Variants in CDCA7L observed in about 807,000 individuals in gnomAD.
CDCA7L encodes cell division cycle-associated 7-like protein.
Under a neutral mutation model 57.4 loss-of-function variants are expected in CDCA7L, and 44 were observed. The observed-to-expected ratio is 0.77, with a 90% CI of 0.60 to 0.98. The LOEUF is 0.98. Among genes scored for constraint, CDCA7L ranks in the 50% least tolerant of loss-of-function variants. CDCA7L has a pLI of 0.00. For synonymous variants in CDCA7L, 236 were observed against 202.8 expected, an observed-to-expected ratio of 1.16 and a Z score of -1.39; for missense variants, 644 against 580.6, an observed-to-expected ratio of 1.11 and a Z score of -1.12.
rs1219653810 is a variant in CDCA7L, at chr7:21,900,943, T to TGATCATTATCATTAACA, written c.*1378_*1379insTGTTAATGATAATGATC. 1 of 19,126 alleles carries TGATCATTATCATTAACA rather than the reference T, an allele frequency of 5.2e-5. No individual in the cohort carries two copies. Among genetic ancestry groups the TGATCATTATCATTAACA allele is most frequent in the Admixed American group, 2.8e-4 (1 of 3,550 alleles). The allele number at this position is 19,126 out of a possible 1,614,324, so 1.2% of individuals were successfully genotyped here. A position where few individuals can be genotyped will look rare whatever the true frequency, so the allele number is the denominator to read the frequency against. ...TGAATGTTTATTGCATCAAACAACT[T>TGATCATTATCATTAACA]ACTTGATCATTATCATTAGTAGCAA... On this transcript the variant is annotated 3_prime_UTR_variant, in exon 10 of 10. Coordinates refer to ENST00000406877, the MANE Select transcript of CDCA7L (RefSeq NM_018719.5).
At chr7:21,911,852 G>C (rs1404805592) in intron 2 of CDCA7L, 98 bp from the exon 3 acceptor site, 2 of 1,153,358 alleles carry the variant, frequency 1.7e-6, no homozygotes, top group African/African-American at 1.6e-5. Context: ...CAGAGCTTCT[G>C]ATGGAGATGA....
intron 4 of CDCA7L, among the ~76,000 whole-genome samples, chr7:21,907,469 A>T (rs187053499): frequency 3.0e-4 from 46 of 151,758 alleles, no homozygotes; most frequent in Admixed American, 1.8e-3. Flanking sequence ...AGAACTATTT[A>T]AAAAAAAACT....
At position 21,911,482 on chromosome 7, in the gene CDCA7L, T is replaced by A. The variant is rs540145293; in HGVS notation, c.303+135A>T. ...GCCTTCCAGGAGCAATTTTTTTAGG[T>A]TATGTTAATTGCTTGTAAGATAAAT... is the stretch of plus-strand genomic sequence containing the variant. On this transcript the variant is annotated intron_variant, in intron 3 of 9. Transcript: ENST00000406877. The A allele has an allele frequency of 3.7e-6, 4 of 1,082,156 alleles. No individual in the cohort carries two copies. The South Asian group carries it at 5.3e-5, about 14-fold the overall frequency. 67.0% of individuals were successfully genotyped at this position (1,082,156 alleles called of 1,614,324 possible). A position where few individuals can be genotyped will look rare whatever the true frequency, so the allele number is the denominator to read the frequency against.
intron 1 of CDCA7L, chr7:21,940,301 T>A: frequency 8.1e-6 from 8 of 985,126 alleles, no homozygotes; most frequent in Non-Finnish European, 9.6e-6. Flanking sequence ...TTCCAAACTA[T>A]GCCTGCGAAG....
intron 1 of CDCA7L, among the ~76,000 whole-genome samples, chr7:21,929,549 T>G (rs1188177406): frequency 1.4e-5 from 2 of 145,244 alleles, no homozygotes; most frequent in African/African-American, 2.6e-5. Context: ...GTGTGCTGTA[T>G]TCAGGAGACC....
chr7:21,908,806 G>A lies in CDCA7L; in HGVS notation c.304-299C>T, dbSNP rs141702446. On this transcript the variant is annotated intron_variant, in intron 3 of 9. Coordinates refer to ENST00000406877, the MANE Select transcript of CDCA7L (RefSeq NM_018719.5). ...CACTGACAGGGTGGGTTCCTCCACC[G>A]TGGGACAACCAGGGAGCACCAGCAA... 3.1e-3 allele frequency among the ~76,000 whole-genome samples: 469 copies of A among 152,250 alleles called. 2 individuals carry two copies. Among genetic ancestry groups the A allele is most frequent in the African/African-American group, 0.01 (423 of 41,538 alleles).
chr7:21,903,512 AGTTT>A (rs1044411188), intron 8 of CDCA7L, among the ~76,000 whole-genome samples: 6 of 152,256 alleles, frequency 3.9e-5, no homozygotes, highest in Middle Eastern at 3.4e-3. Context: ...CCTGAGCAGC[AGTTT>A]GTTTGTCTGT....
rs72658844 is a variant in CDCA7L, at chr7:21,901,690, CTTTCAAAA to C, written c.*624_*631del. On this transcript the variant is annotated 3_prime_UTR_variant, in exon 10 of 10. Coordinates refer to ENST00000406877, the MANE Select transcript of CDCA7L (RefSeq NM_018719.5). ...AAATTAAATTATTAGCCCTTAAACT[CTTTCAAAA>C]TATAAAAGCAGCAGGCCCCAGGTGA... The C allele has an allele frequency of 0.017, 2,614 of 156,458 alleles. 65 individuals are homozygous for C. The highest frequency in any genetic ancestry group is 0.059 in the African/African-American group (2,440 of 41,540). The allele number at this position is 156,458 out of a possible 1,614,324, so 9.7% of individuals were successfully genotyped here.
intron 1 of CDCA7L, among the ~76,000 whole-genome samples, chr7:21,937,227 CA>C (rs564140707): frequency 1.2e-4 from 18 of 152,302 alleles, no homozygotes; most frequent in African/African-American, 4.1e-4. Flanking sequence ...AAGCTATGTA[CA>C]GACTCAATGT....
intron 1 of CDCA7L, among the ~76,000 whole-genome samples, chr7:21,927,951 C>G (rs1466963725): frequency 6.6e-6 from 1 of 152,322 alleles, no homozygotes; most frequent in East Asian, 1.9e-4. Context: ...CCCAGCACAG[C>G]GTTCAAGCTC....
chr7:21,940,361 T>TTAC, intron 1 of CDCA7L: 1 of 923,336 alleles, frequency 1.1e-6, no homozygotes. Flanking sequence ...AAAGAGTATA[T>TTAC]TACTAACAAT....
At chr7:21,916,540 A>T (rs1189121799) in intron 2 of CDCA7L, among the ~76,000 whole-genome samples, 5 of 121,094 alleles carry the variant, frequency 4.1e-5, no homozygotes, top group African/African-American at 6.1e-5. Flanking sequence ...AAAAAAAAAG[A>T]ATTATGGTAC....
At chr7:21,944,812 A>C (rs561387478) in intron 1 of CDCA7L, 1 of 151,880 alleles carries the variant, frequency 6.6e-6, no homozygotes, top group Non-Finnish European at 1.5e-5. Context: ...GGTGGAGGAA[A>C]GTAAACACCA....
chr7:21,940,312 T>G, intron 1 of CDCA7L: 2 of 985,092 alleles, frequency 2.0e-6, no homozygotes, highest in African/African-American at 3.5e-5. Flanking sequence ...GCCTGCGAAG[T>G]GCTCTGAAAA....
At chr7:21,903,991 G>A in intron 8 of CDCA7L, 119 bp downstream of exon 8, 2 of 930,036 alleles carry the variant, frequency 2.2e-6, no homozygotes, top group Admixed American at 3.7e-5. Flanking sequence ...GATACAAATG[G>A]AAGGGAAAAA....
At chr7:21,931,357 A>G (rs1481371884) in intron 1 of CDCA7L, among the ~76,000 whole-genome samples, 1 of 152,246 alleles carries the variant, frequency 6.6e-6, no homozygotes, top group African/African-American at 2.4e-5. Flanking sequence ...TCCCTGATGA[A>G]CGAAGATTTT....
At chr7:21,938,741 A>G (rs1786250639) in intron 1 of CDCA7L, among the ~76,000 whole-genome samples, 1 of 152,216 alleles carries the variant, frequency 6.6e-6, no homozygotes, top group Non-Finnish European at 1.5e-5. Flanking sequence ...ACAGTGTCTT[A>G]TGCCTCTAAT....
chr7:21,944,457 A>C (rs1786447345), intron 1 of CDCA7L, among the ~76,000 whole-genome samples: 1 of 148,724 alleles, frequency 6.7e-6, no homozygotes, highest in Non-Finnish European at 1.5e-5. Flanking sequence ...TCCAAAAAAA[A>C]AAAAAAAAAA....
chr7:21,902,367 A>AGAAGTATTTGGTAAAGTAGT lies in CDCA7L; in HGVS notation c.1335-35_1335-16dup. On this transcript the variant is annotated splice_polypyrimidine_tract_variant and intron_variant, in intron 9 of 9. Coordinates refer to ENST00000406877, the MANE Select transcript of CDCA7L (RefSeq NM_018719.5). The stretch of plus-strand genomic sequence containing the variant: ...CCTTTTGTAAGCTGGGAAAAAGATG[A>AGAAGTATTTGGTAAAGTAGT]GAAGTATTTGGTAAAGTAGTACAAA... The AGAAGTATTTGGTAAAGTAGT allele has an allele frequency of 6.2e-7, 1 of 1,613,482 alleles. No homozygotes were observed. Among genetic ancestry groups the AGAAGTATTTGGTAAAGTAGT allele is most frequent in the Non-Finnish European group, 8.5e-7 (1 of 1,179,426 alleles).
Sources: allele counts gnomAD v4.1 joint callset (sites outside exome capture counted in the v4.1 genomes callset), GRCh38; gene constraint gnomAD v4.1.1; transcripts MANE v1.5; gene names NCBI Gene and HGNC (gene_info 2026-07-23, HGNC 2026-07-21).